USP1: variants seen among roughly 807,000 people sequenced by gnomAD.
USP1 encodes the protein ubiquitin carboxyl-terminal hydrolase 1.
Under a neutral mutation model 72.2 loss-of-function variants are expected in USP1, and 18 were observed. The ratio of observed to expected loss-of-function variants is 0.25; its 90% CI spans 0.17 to 0.37. USP1 has a LOEUF of 0.37. USP1 is among the 10% of genes least tolerant of loss of function. The pLI, the probability that USP1 is intolerant of heterozygous loss-of-function variation, is 1.00. For missense variants in USP1, 759 were observed against 884.9 expected (o/e 0.86, Z 1.81); for synonymous variants, 354 against 303.7 (o/e 1.17, Z -1.72).
chr1:62,447,310 A>G (rs370480846), intron 6 of USP1, 31 bp from the exon 7 acceptor site: 72 of 1,598,304 alleles, frequency 4.5e-5, no homozygotes, highest in Non-Finnish European at 5.9e-5. Flanking sequence ...ACTAATCTGT[A>G]TAGACTTACA....
chr1:62,450,240 C>T lies in USP1; in HGVS notation c.1623-6C>T, dbSNP rs1442461042. The T allele has an allele frequency of 5.0e-6, 8 of 1,591,776 alleles. No homozygotes were observed. The highest frequency in any genetic ancestry group is 8.6e-7 in the Non-Finnish European group (1 of 1,168,200). On this transcript the variant is annotated splice_region_variant and splice_polypyrimidine_tract_variant and intron_variant, in intron 8 of 8. Transcript: ENST00000339950. ...CAGGAAACCTTTTCTTTTTTTCCTC[C>T]CAAAGGTTTGATTGTTATGGTGGTG...
At chr1:62,441,393 A>G (rs1645133034) in intron 2 of USP1, 95 bp from the exon 3 acceptor site, 1 of 1,355,032 alleles carries the variant, frequency 7.4e-7, no homozygotes, top group African/African-American at 1.5e-5. Context: ...TTCAGATTAT[A>G]CAACTTTTGG....
intron 5 of USP1, among the ~76,000 whole-genome samples, chr1:62,443,597 TGTTTA>T (rs1477236657): frequency 2.0e-5 from 3 of 152,212 alleles, no homozygotes; most frequent in East Asian, 3.8e-4. Context: ...AGTAGTAATG[TGTTTA>T]GTTATAGAGT....
chr1:62,447,308 GTA>G (rs1216814692), intron 6 of USP1, 31 bp from the exon 7 acceptor site: 3 of 1,595,968 alleles, frequency 1.9e-6, no homozygotes, highest in Non-Finnish European at 2.6e-6. Context: ...AAACTAATCT[GTA>G]TAGACTTACA....
rs1350839896 is a variant in USP1, at chr1:62,451,099, C to G, written c.*118C>G. On this transcript the variant is annotated 3_prime_UTR_variant, in exon 9 of 9. Coordinates refer to ENST00000339950, the MANE Select transcript of USP1 (RefSeq NM_003368.5). Reference sequence around the variant, plus strand: ...AAGCTACTGGATATTATTGGTCTCTCTAGGTTTTTATATAAATAGTGAAAT... The same window carrying G: ...AAGCTACTGGATATTATTGGTCTCTGTAGGTTTTTATATAAATAGTGAAAT... The G allele has an allele frequency of 9.6e-7, 1 of 1,044,508 alleles. No homozygotes were observed. The highest frequency in any genetic ancestry group is 1.3e-6 in the Non-Finnish European group (1 of 767,626). The allele number at this position is 1,044,508 out of a possible 1,614,324, so 64.7% of individuals were successfully genotyped here.
chr1:62,437,954 C>G (rs190446196), intron 1 of USP1, among the ~76,000 whole-genome samples: 28 of 152,292 alleles, frequency 1.8e-4, no homozygotes, highest in African/African-American at 6.3e-4. Context: ...ACTGAGTGTT[C>G]ACGCTGTCAA....
In USP1 at chr1:62,445,282, A is replaced by G. The variant is rs1645163614; in HGVS notation, c.1102A>G (p.Lys368Glu). 1 of 1,613,748 alleles carries G rather than the reference A, an allele frequency of 6.2e-7. No homozygotes were observed. The highest frequency in any genetic ancestry group is 1.1e-5 in the South Asian group (1 of 90,930). Residue 368 changes from lysine to glutamate, a missense_variant, in exon 6 of 9, where the codon AAA (lysine) becomes GAA (glutamate). Around this residue, in one of 9 missense-constraint regions of USP1, gnomAD observed 245 missense variants for 240.7 expected, o/e 1.02. Transcript: ENST00000339950. Reference sequence around the variant, plus strand: ...AAAAATAACAACAAACCAAGGAGTCAAAGGACAATCTAAAGAAAATGAATG... The same window carrying G: ...AAAAATAACAACAAACCAAGGAGTCGAAGGACAATCTAAAGAAAATGAATG... ...LGKITTNQGVKGQSKENECDP... is the reference protein window; with the variant it reads ...LGKITTNQGVEGQSKENECDP...
chr1:62,445,442 C>T lies in USP1; in HGVS notation c.1249+13C>T. ...CCCATAAACAAAGGTTAGTATAATTCTTAGACTTTGATAGGTAGAAGCATT... is the reference window on the plus strand; with the variant it reads ...CCCATAAACAAAGGTTAGTATAATTTTTAGACTTTGATAGGTAGAAGCATT... On this transcript the variant is annotated intron_variant, in intron 6 of 8. Coordinates refer to ENST00000339950, the MANE Select transcript of USP1 (RefSeq NM_003368.5). 1.3e-6 allele frequency: 2 copies of T among 1,511,664 alleles called. No homozygotes were observed. Among genetic ancestry groups the T allele is most frequent in the East Asian group, 2.3e-5 (1 of 43,498 alleles). The allele number at this position is 1,511,664 out of a possible 1,614,324, so 93.6% of individuals were successfully genotyped here.
Position 62,450,837 on chromosome 1 carries a change from A to G in USP1, c.2214A>G (p.Gln738=), listed in dbSNP as rs1477639562. ...GFENKISYVV[Q]SLKEYEGKWL... ...AGAACAAAATTTCATACGTAGTGCA[A>G]AGCTTAAAGGAGTATGAGGGGAAGT... Residue 738 remains glutamine, a synonymous_variant, in exon 9 of 9, where the codon CAA becomes CAG. Transcript: ENST00000339950. The G allele has an allele frequency of 7.4e-6, 12 of 1,613,938 alleles. No individual in the cohort carries two copies. The highest frequency in any genetic ancestry group is 8.5e-6 in the Non-Finnish European group (10 of 1,179,998).
intron 1 of USP1, among the ~76,000 whole-genome samples, chr1:62,438,441 G>T (rs773634287): frequency 6.6e-6 from 1 of 152,114 alleles, no homozygotes; most frequent in Non-Finnish European, 1.5e-5. Context: ...TTCCTGATTT[G>T]GGTCTCAGAA....
In USP1 at chr1:62,450,581, A is replaced by G. The variant is rs1392072809; in HGVS notation, c.1958A>G (p.Gln653Arg). The G allele has an allele frequency of 1.2e-6, 2 of 1,613,908 alleles. No homozygotes were observed. Among genetic ancestry groups the G allele is most frequent in the Admixed American group, 1.7e-5 (1 of 60,004 alleles). Reference sequence around the variant, plus strand: ...TCAATTAGAGTTGGTGGAAATACACAGCCAAGTAAAGTTTTGAACAAAAAA... The same window carrying G: ...TCAATTAGAGTTGGTGGAAATACACGGCCAAGTAAAGTTTTGAACAAAAAA... ...EVSIRVGGNT[Q>R]PSKVLNKKNV... The change falls in exon 9 of 9, where the codon CAG becomes CGG. Residue 653 changes from glutamine (Q) to arginine (R), a missense_variant. By Grantham distance (43) the Gln-to-Arg change is conservative. Coordinates refer to ENST00000339950, the MANE Select transcript of USP1 (RefSeq NM_003368.5).
chr1:62,437,603 A>G (rs1645099610), intron 1 of USP1, among the ~76,000 whole-genome samples: 2 of 151,550 alleles, frequency 1.3e-5, no homozygotes, highest in African/African-American at 2.4e-5. Flanking sequence ...GGCTGGGCGT[A>G]AATAGGCCAA....
rs767469232 is a variant in USP1 at position 62,447,345 on chromosome 1, A to T, written c.1254A>T (p.Glu418Asp). The change falls in exon 7 of 9, where the codon GAA becomes GAT. Residue 418 changes from glutamate to aspartate, a missense_variant. Physicochemically the swap from Glu to Asp is conservative, Grantham distance 45. Around this residue, in one of 9 missense-constraint regions of USP1, gnomAD observed 245 missense variants for 240.7 expected, o/e 1.02. Coordinates refer to ENST00000339950, the MANE Select transcript of USP1 (RefSeq NM_003368.5). ...VNEVKPINKGEEQIGFELVEK... is the reference protein window; with the variant it reads ...VNEVKPINKGDEQIGFELVEK... ...ATTTTCCTATTTTCATTTTAGGTGA[A>T]GAACAAATTGGTTTTGAGCTAGTGG... 2.5e-6 allele frequency: 4 copies of T among 1,612,140 alleles called. No homozygotes were observed. In the Admixed American group the frequency reaches 5.0e-5, roughly 20 times the overall value.
In USP1 at chr1:62,447,367, G is replaced by C; in HGVS notation, c.1276G>C (p.Val426Leu). 1 of 1,613,840 alleles carries C rather than the reference G, an allele frequency of 6.2e-7. No individual in the cohort carries two copies. The highest frequency in any genetic ancestry group is 8.5e-7 in the Non-Finnish European group (1 of 1,179,914). The change falls in exon 7 of 9, where the codon GTG (valine) becomes CTG (leucine). Residue 426 changes from valine (V) to leucine (L), a missense_variant. Val to Leu is a conservative substitution (Grantham distance 32). This residue lies in a region of USP1 where 140 missense variants were observed against 222.8 expected (regional missense o/e 0.63). Transcript: ENST00000339950. Reference sequence around the variant, plus strand: ...TGAAGAACAAATTGGTTTTGAGCTAGTGGAGAAATTATTTCAAGGTCAGCT... The same window carrying C: ...TGAAGAACAAATTGGTTTTGAGCTACTGGAGAAATTATTTCAAGGTCAGCT... ...KGEEQIGFELVEKLFQGQLVL... is the reference protein window; with the variant it reads ...KGEEQIGFELLEKLFQGQLVL...
chr1:62,449,115 C>T (rs532263214), intron 8 of USP1, among the ~76,000 whole-genome samples: 8 of 152,292 alleles, frequency 5.3e-5, no homozygotes, highest in African/African-American at 1.7e-4. Context: ...AACTTCTGGA[C>T]TCAAGCAATC....
chr1:62,442,265 A>C lies in USP1; in HGVS notation c.362A>C (p.Glu121Ala). ...HLFNIISRKK[E>A]ALKDEANQKD... ...TTTAATATTATTTCAAGGAAGAAAGAAGCTCTAAAGGATGAAGCCAATCAA... is the reference window on the plus strand; with the variant it reads ...TTTAATATTATTTCAAGGAAGAAAGCAGCTCTAAAGGATGAAGCCAATCAA... Residue 121 changes from glutamate to alanine, a missense_variant, in exon 4 of 9, where the codon GAA (glutamate) becomes GCA (alanine). Around this residue, in one of 9 missense-constraint regions of USP1, gnomAD observed 71 missense variants for 71.0 expected, o/e 1.00. Transcript: ENST00000339950. 1 of 1,605,924 alleles carries C rather than the reference A, an allele frequency of 6.2e-7. No homozygotes were observed. The highest frequency in any genetic ancestry group is 8.5e-7 in the Non-Finnish European group (1 of 1,174,922).
chr1:62,438,972 C>T (rs1645113084), intron 1 of USP1, among the ~76,000 whole-genome samples: 1 of 152,188 alleles, frequency 6.6e-6, no homozygotes, highest in Non-Finnish European at 1.5e-5. Flanking sequence ...TTAACACCAT[C>T]TCTATGCCTT....
At position 62,448,358 on chromosome 1, in the gene USP1, A is replaced by G. The variant is rs375736539; in HGVS notation, c.1421-107A>G. Reference sequence around the variant, plus strand: ...TAAAAATCTCTTTAGTTATTTAGGAATGGGTCGGTCAATTGAAATTAAATG... The same window carrying G: ...TAAAAATCTCTTTAGTTATTTAGGAGTGGGTCGGTCAATTGAAATTAAATG... On this transcript the variant is annotated intron_variant, in intron 7 of 8. Coordinates refer to ENST00000339950, the MANE Select transcript of USP1 (RefSeq NM_003368.5). 3.4e-4 allele frequency: 354 copies of G among 1,052,630 alleles called. 1 individual carries two copies. Among genetic ancestry groups the G allele is most frequent in the Admixed American group, 2.8e-3 (108 of 38,460 alleles). The allele number at this position is 1,052,630 out of a possible 1,614,324, so 65.2% of individuals were successfully genotyped here.
In USP1 at chr1:62,444,838, AAAG is replaced by A. The variant is rs372316949; in HGVS notation, c.665_667del (p.Glu222del). 830 of 1,613,460 alleles carry A rather than the reference AAAG, an allele frequency of 5.1e-4. 8 individuals are homozygous for A. In the East Asian group the frequency reaches 0.015, roughly 28 times the overall value. On this transcript the variant is annotated inframe_deletion, in exon 6 of 9. Transcript: ENST00000339950. ...TCAAGAAACATGCCAACTCCTAAAA[AAAG>A]AAGAAGTAAAAAATGTGGCAGAATT... is the stretch of plus-strand genomic sequence containing the variant.
Sources: gnomAD v4.1 joint callset for allele counts (sites outside exome capture counted in the v4.1 genomes callset) on GRCh38, gnomAD v4.1.1 for gene constraint, gnomAD v4.1.1 regional missense constraint, MANE v1.5 for transcripts, NCBI Gene and HGNC (gene_info 2026-07-23, HGNC 2026-07-21) for gene names.